Variants in FSHR observed in about 807,000 individuals in gnomAD.
The protein encoded by FSHR is follicle-stimulating hormone receptor.
Under a neutral mutation model 52.1 loss-of-function variants are expected in FSHR, and 46 were observed. The ratio of observed to expected loss-of-function variants is 0.88; its 90% CI spans 0.70 to 1.13. FSHR has a LOEUF of 1.13. Among genes scored for constraint, FSHR ranks in the 50% most tolerant of loss-of-function variants. FSHR has a pLI of 0.00. For synonymous variants in FSHR, 399 were observed against 309.6 expected, an observed-to-expected ratio of 1.29 and a Z score of -3.03; for missense variants, 964 against 834.6, an observed-to-expected ratio of 1.16 and a Z score of -1.91.
chr2:49,025,209 A>T (rs72827274), intron 2 of FSHR, among the ~76,000 whole-genome samples: 2,743 of 152,286 alleles, frequency 0.018, 33 homozygotes, highest in East Asian at 0.048. Context: ...GCGAGTGGAG[A>T]ACTAATTCAA....
intron 1 of FSHR, among the ~76,000 whole-genome samples, chr2:49,075,811 G>T (rs932426109): frequency 3.5e-5 from 5 of 142,258 alleles, no homozygotes; most frequent in Non-Finnish European, 6.2e-5. Context: ...TTTTTGTTTG[G>T]GTTTTTTTGG....
At chr2:49,121,028 A>T (rs568225795) in intron 1 of FSHR, among the ~76,000 whole-genome samples, 2 of 152,370 alleles carry the variant, frequency 1.3e-5, no homozygotes, top group African/African-American at 4.8e-5. Flanking sequence ...GCAAGTGATG[A>T]TAAACCAAAT....
chr2:49,020,267 A>G, intron 2 of FSHR, 107 bp from the exon 3 acceptor site: 1 of 946,676 alleles, frequency 1.1e-6, no homozygotes, highest in East Asian at 2.4e-5. Context: ...AAGACACACA[A>G]AACTCCTTTC....
intron 1 of FSHR, among the ~76,000 whole-genome samples, chr2:49,134,840 TCA>T (rs1246472663): frequency 2.0e-5 from 3 of 152,096 alleles, no homozygotes; most frequent in Middle Eastern, 3.4e-3. Context: ...CCGCATATTC[TCA>T]CTCATAGGTG....
rs76100710 is a variant in FSHR at position 48,964,923 on chromosome 2, G to T, written c.855-957C>A. Among the ~76,000 whole-genome samples the T allele has an allele frequency of 1.4e-4, 21 of 151,636 alleles. No homozygotes were observed. The East Asian group carries it at 3.9e-3, about 28-fold the overall frequency. On this transcript the variant is annotated intron_variant, in intron 9 of 9. Transcript: ENST00000406846. Reference sequence around the variant, plus strand: ...TACTCTGGATGTAGAAACAAGAAAGGTAATACTTCTGTTTGGAAGCAAAGG... The same window carrying T: ...TACTCTGGATGTAGAAACAAGAAAGTTAATACTTCTGTTTGGAAGCAAAGG...
chr2:48,976,337 G>A (rs1161398803), intron 8 of FSHR, among the ~76,000 whole-genome samples: 3 of 152,192 alleles, frequency 2.0e-5, no homozygotes, highest in Non-Finnish European at 4.4e-5. Flanking sequence ...GGATGAAGCT[G>A]ACTTGATCGT....
chr2:48,971,673 A>G (rs961052826), intron 8 of FSHR, among the ~76,000 whole-genome samples: 3 of 152,176 alleles, frequency 2.0e-5, no homozygotes, highest in African/African-American at 7.2e-5. Flanking sequence ...TCTTTGTTCT[A>G]TCACTACTGA....
rs560709964 is a variant in FSHR, at chr2:49,145,087, C to T, written c.152+9179G>A. ...GAAGCTGGCATACACAGCCCATTGACGGGTAAACTTTTACCCAACAGGCAT... is the reference window on the plus strand; with the variant it reads ...GAAGCTGGCATACACAGCCCATTGATGGGTAAACTTTTACCCAACAGGCAT... On this transcript the variant is annotated intron_variant, in intron 1 of 9. Transcript: ENST00000406846. Among the ~76,000 whole-genome samples the T allele has an allele frequency of 1.1e-4, 17 of 152,100 alleles. No homozygotes were observed. The South Asian group carries it at 3.1e-3, about 28-fold the overall frequency.
At chr2:49,125,524 C>G (rs1462247479) in intron 1 of FSHR, among the ~76,000 whole-genome samples, 2 of 152,180 alleles carry the variant, frequency 1.3e-5, no homozygotes, top group Non-Finnish European at 2.9e-5. Flanking sequence ...GAGAGCTGAT[C>G]ACCTCTTCCT....
chr2:48,985,650 G>T (rs1156766961), intron 6 of FSHR, among the ~76,000 whole-genome samples: 1 of 150,610 alleles, frequency 6.6e-6, no homozygotes, highest in African/African-American at 2.4e-5. Context: ...TTTAGAACAG[G>T]GCCTCAGAAT....
chr2:48,990,251 G>C (rs1389412662), intron 5 of FSHR, among the ~76,000 whole-genome samples: 1 of 151,810 alleles, frequency 6.6e-6, no homozygotes, highest in Admixed American at 6.6e-5. Flanking sequence ...GGAATACAGG[G>C]GGTGTTGTTT....
intron 2 of FSHR, among the ~76,000 whole-genome samples, chr2:49,029,217 C>T (rs1022688679): frequency 1.3e-5 from 2 of 152,214 alleles, no homozygotes; most frequent in Admixed American, 1.3e-4. Context: ...GTATTTACTA[C>T]CTGTGATTGA....
intron 9 of FSHR, among the ~76,000 whole-genome samples, chr2:48,965,158 G>T (rs767234798): frequency 6.6e-6 from 1 of 152,108 alleles, no homozygotes; most frequent in Non-Finnish European, 1.5e-5. Flanking sequence ...GGAAAAAGGT[G>T]GCTAGGGGAG....
chr2:49,133,225 G>A (rs1172085072), intron 1 of FSHR, among the ~76,000 whole-genome samples: 1 of 152,142 alleles, frequency 6.6e-6, no homozygotes, highest in Non-Finnish European at 1.5e-5. Flanking sequence ...TTAACAGGTT[G>A]GGGTCCCCTT....
chr2:48,975,331 A>T (rs1259589866), intron 8 of FSHR, among the ~76,000 whole-genome samples: 1 of 151,546 alleles, frequency 6.6e-6, no homozygotes, highest in Non-Finnish European at 1.5e-5. Context: ...TTGACTTCAG[A>T]CTCAGAGTTA....
rs148046767 is a variant in FSHR, at chr2:49,086,860, C to A, written c.153-18570G>T. On this transcript the variant is annotated intron_variant, in intron 1 of 9. Coordinates refer to ENST00000406846, the MANE Select transcript of FSHR (RefSeq NM_000145.4). The stretch of plus-strand genomic sequence containing the variant: ...GGTTGGCCAGGCTGGTCTCAAACTC[C>A]TGATCTCAGGTGATCTGCCTGCCTT... 3.6e-3 allele frequency among the ~76,000 whole-genome samples: 545 copies of A among 152,216 alleles called. 4 individuals carry two copies. The highest frequency in any genetic ancestry group is 0.013 in the African/African-American group (529 of 41,532).
intron 1 of FSHR, 107 bp downstream of exon 1, chr2:49,154,159 G>T (rs1043985457): frequency 1.6e-6 from 2 of 1,235,196 alleles, no homozygotes; most frequent in Non-Finnish European, 2.3e-6. Context: ...CGGTCAAGGG[G>T]CAGAAATATT....
rs140634026 is a variant in FSHR at position 48,984,424 on chromosome 2, A to C, written c.525-1258T>G. Among the ~76,000 whole-genome samples, 191 of 152,294 alleles carry C rather than the reference A, an allele frequency of 1.3e-3. 1 individual carries two copies. The highest frequency in any genetic ancestry group is 4.4e-3 in the African/African-American group (184 of 41,554). On this transcript the variant is annotated intron_variant, in intron 6 of 9. Transcript: ENST00000406846. Reference sequence around the variant, plus strand: ...GTGGATCCCTGGGGATTTGAATCAAATACAGGATTCAGCAAACTTTTTCTG... The same window carrying C: ...GTGGATCCCTGGGGATTTGAATCAACTACAGGATTCAGCAAACTTTTTCTG...
intron 1 of FSHR, among the ~76,000 whole-genome samples, chr2:49,108,278 C>T (rs1173987558): frequency 6.6e-6 from 1 of 152,130 alleles, no homozygotes; most frequent in Non-Finnish European, 1.5e-5. Context: ...CCTGGGTCTC[C>T]AGCTGGCAGA....
Sources: gnomAD v4.1 joint callset for allele counts (sites outside exome capture counted in the v4.1 genomes callset) on GRCh38, gnomAD v4.1.1 for gene constraint, MANE v1.5 for transcripts, NCBI Gene and HGNC (gene_info 2026-07-23, HGNC 2026-07-21) for gene names.